Variants in AASDH observed in about 807,000 individuals in gnomAD.
AASDH encodes the protein beta-alanine-activating enzyme.
A neutral mutation model predicts 102.3 loss-of-function variants in AASDH; 81 were observed. That is an observed-to-expected ratio of 0.79 (90% CI 0.66 to 0.95). AASDH has a LOEUF of 0.95. Among genes scored for constraint, AASDH ranks in the 40% least tolerant of loss-of-function variants. AASDH has a pLI of 0.00. For synonymous variants in AASDH, 398 were observed against 454.0 expected, an observed-to-expected ratio of 0.88 and a Z score of 1.57; for missense variants, 1,203 against 1,266.2, an observed-to-expected ratio of 0.95 and a Z score of 0.76.
At position 56,356,395 on chromosome 4, in the gene AASDH, AC is replaced by A. The variant is rs1749645040; in HGVS notation, c.862-973del. ...ATTAACCAGTTCACCCAGGCCCTGG[AC>A]CGCCAAACAGCTACTCAGCTGCTTA... On this transcript the variant is annotated intron_variant, in intron 5 of 14. Transcript: ENST00000205214. The A allele has an allele frequency of 9.4e-6, 15 of 1,592,750 alleles. No homozygotes were observed. The South Asian group carries it at 1.7e-4, about 18-fold the overall frequency.
chr4:56,363,121 C>A (rs1160711261), intron 5 of AASDH, among the ~76,000 whole-genome samples: 1 of 152,238 alleles, frequency 6.6e-6, no homozygotes, highest in Admixed American at 6.5e-5. Flanking sequence ...GAGCCTGGCT[C>A]ATTGCTAGCA....
At position 56,351,340 on chromosome 4, in the gene AASDH, AC is replaced by A. The variant is rs1748974480; in HGVS notation, c.1692+1del. 6.6e-7 allele frequency: 1 copy of A among 1,525,218 alleles called. No homozygotes were observed. Among genetic ancestry groups the A allele is most frequent in the Non-Finnish European group, 9.0e-7 (1 of 1,106,616 alleles). The allele number at this position is 1,525,218 out of a possible 1,614,324, so 94.5% of individuals were successfully genotyped here. On this transcript the variant is annotated splice_donor_variant, in intron 10 of 14. Transcript: ENST00000205214. LOFTEE classifies it high-confidence loss of function. Reference sequence around the variant, plus strand: ...AATAATTTTATAACTTAAAAATTGTACCTTCCACAAATACTGTAATTTTTCC... The same window carrying A: ...AATAATTTTATAACTTAAAAATTGTACTTCCACAAATACTGTAATTTTTCC...
rs28653752 is a variant in AASDH, at chr4:56,374,565, T to C, written c.669-2922A>G. Among the ~76,000 whole-genome samples the C allele has an allele frequency of 6.9e-3, 1,046 of 152,224 alleles. 14 individuals carry two copies. The highest frequency in any genetic ancestry group is 0.024 in the African/African-American group (991 of 41,518). Reference sequence around the variant, plus strand: ...ACTGCACCTGCATACCCAAGTGTTATCACAAACTTTCTTATCTCCTGTTTA... The same window carrying C: ...ACTGCACCTGCATACCCAAGTGTTACCACAAACTTTCTTATCTCCTGTTTA... On this transcript the variant is annotated intron_variant, in intron 4 of 14. Transcript: ENST00000205214.
chr4:56,354,608 A>C, intron 7 of AASDH, 97 bp downstream of exon 7: 2 of 867,394 alleles, frequency 2.3e-6, no homozygotes, highest in Non-Finnish European at 3.6e-6. Flanking sequence ...ACTGAAAAGC[A>C]TGAGATAGAC....
chr4:56,348,996 C>T, intron 11 of AASDH: 1 of 485,226 alleles, frequency 2.1e-6, no homozygotes, highest in Non-Finnish European at 3.6e-6. Flanking sequence ...TTATTATTCC[C>T]ATTTTACCCA....
In AASDH at chr4:56,385,915, GTTTTC is replaced by G. The variant is rs1187953937; in HGVS notation, c.-43+1442_-43+1446del. Among the ~76,000 whole-genome samples the G allele has an allele frequency of 1.1e-3, 158 of 143,366 alleles. 1 individual carries two copies. The highest frequency in any genetic ancestry group is 3.9e-3 in the African/African-American group (152 of 39,348). 94.1% of individuals were successfully genotyped at this position (143,366 alleles called of 152,430 possible). On this transcript the variant is annotated intron_variant, in intron 1 of 14. Transcript: ENST00000205214. ...GAGCCACCGCGCCCGGCCGAGTCAA[GTTTTC>G]TTTTCTTTCTTTTTTTTTTTTTAAT... is the stretch of plus-strand genomic sequence containing the variant.
chr4:56,338,334 C>A lies in AASDH; in HGVS notation c.*68G>T. 1 of 1,503,516 alleles carries A rather than the reference C, an allele frequency of 6.7e-7. No individual in the cohort carries two copies. Among genetic ancestry groups the A allele is most frequent in the South Asian group, 1.3e-5 (1 of 78,996 alleles). The allele number at this position is 1,503,516 out of a possible 1,614,324, so 93.1% of individuals were successfully genotyped here. On this transcript the variant is annotated 3_prime_UTR_variant, in exon 15 of 15. Transcript: ENST00000205214. The stretch of plus-strand genomic sequence containing the variant: ...TCTTCTTTAATATAAAATAAGTCCA[C>A]ATGATGTATAATGGTAAAATATTTT...
chr4:56,367,906 G>T (rs1347942703), intron 5 of AASDH, among the ~76,000 whole-genome samples: 1 of 151,884 alleles, frequency 6.6e-6, no homozygotes, highest in Non-Finnish European at 1.5e-5. Flanking sequence ...CACAGCAAAA[G>T]AAACTACCAT....
rs773433791 is a variant in AASDH, at chr4:56,353,391, T to C, written c.1576+13A>G. 1.3e-6 allele frequency: 2 copies of C among 1,577,052 alleles called. No homozygotes were observed. Among genetic ancestry groups the C allele is most frequent in the East Asian group, 2.3e-5 (1 of 44,358 alleles). On this transcript the variant is annotated intron_variant, in intron 9 of 14. Coordinates refer to ENST00000205214, the MANE Select transcript of AASDH (RefSeq NM_181806.4). Reference sequence around the variant, plus strand: ...ATTTGGCACTGAAACATATCTGCTTTAAATTACTTTACCGTGGGATGTAAA... The same window carrying C: ...ATTTGGCACTGAAACATATCTGCTTCAAATTACTTTACCGTGGGATGTAAA...
chr4:56,344,940 C>CTT (rs11357105), intron 12 of AASDH, among the ~76,000 whole-genome samples, 187 bp downstream of exon 12: 17 of 124,140 alleles, frequency 1.4e-4, no homozygotes, highest in African/African-American at 2.7e-4. Flanking sequence ...AATTTTCTTT[C>CTT]TTTTTTTTTT....
At position 56,338,486 on chromosome 4, in the gene AASDH, A is replaced by C; in HGVS notation, c.3213T>G (p.Pro1071=). Residue 1071 remains proline (P), a synonymous_variant, in exon 15 of 15, where the codon CCT becomes CCG. Coordinates refer to ENST00000205214, the MANE Select transcript of AASDH (RefSeq NM_181806.4). The part of the protein sequence containing the change: ...YELPGEVFSS[P]VVLESMLIIG... ...TAATGAGCATTGATTCCAGGACCAC[A>C]GGAGAAGAGAAGACTTCTCCAGGAA... 1 of 1,613,972 alleles carries C rather than the reference A, an allele frequency of 6.2e-7. No individual in the cohort carries two copies. Among genetic ancestry groups the C allele is most frequent in the Non-Finnish European group, 8.5e-7 (1 of 1,179,930 alleles).
Position 56,354,700 on chromosome 4 carries a change from A to G in AASDH, c.1210+5T>C. On this transcript the variant is annotated splice_donor_5th_base_variant and intron_variant, in intron 7 of 14. Coordinates refer to ENST00000205214, the MANE Select transcript of AASDH (RefSeq NM_181806.4). ...AAAATTCCCAATCAACAAATATAAA[A>G]CAACCTAAAAATACTTGGCCACTGC... 1 of 1,588,712 alleles carries G rather than the reference A, an allele frequency of 6.3e-7. No homozygotes were observed. The highest frequency in any genetic ancestry group is 2.2e-5 in the East Asian group (1 of 44,486).
At position 56,338,501 on chromosome 4, in the gene AASDH, T is replaced by C. The variant is rs371231603; in HGVS notation, c.3198A>G (p.Glu1066=). Residue 1066 remains glutamate, a synonymous_variant, in exon 15 of 15, where the codon GAA becomes GAG. Transcript: ENST00000205214. ...CCAGGACCACAGGAGAAGAGAAGAC[T>C]TCTCCAGGAAGTTCATAAACACTTT... ...QLQSVYELPG[E]VFSSPVVLES... 5.0e-6 allele frequency: 8 copies of C among 1,613,854 alleles called. No individual in the cohort carries two copies. The highest frequency in any genetic ancestry group is 6.8e-6 in the Non-Finnish European group (8 of 1,180,020).
chr4:56,345,751 T>C (rs894261824), intron 11 of AASDH, among the ~76,000 whole-genome samples: 6 of 152,340 alleles, frequency 3.9e-5, no homozygotes, highest in African/African-American at 1.2e-4. Flanking sequence ...GCCCAGTGCA[T>C]AGAAGGTGTT....
chr4:56,351,272 G>A (rs930285445), intron 10 of AASDH, 70 bp downstream of exon 10: 2 of 947,144 alleles, frequency 2.1e-6, no homozygotes, highest in Non-Finnish European at 3.2e-6. Flanking sequence ...AACTTGTTAG[G>A]ATAATAGCAG....
intron 11 of AASDH, 131 bp downstream of exon 11, chr4:56,349,132 G>T: frequency 1.0e-6 from 1 of 952,460 alleles, no homozygotes; most frequent in African/African-American, 1.7e-5. Context: ...ATCAGCACAG[G>T]GTTAACTATA....
intron 14 of AASDH, among the ~76,000 whole-genome samples, chr4:56,339,502 G>C (rs1747376024): frequency 6.6e-6 from 1 of 152,070 alleles, no homozygotes; most frequent in Admixed American, 6.6e-5. Flanking sequence ...TATAATCCCA[G>C]CATTTTGGGA....
In AASDH at chr4:56,349,926, C is replaced by G; in HGVS notation, c.1825G>C (p.Gly609Arg). The change falls in exon 11 of 15, where the codon GGG (glycine) becomes CGG (arginine). Residue 609 changes from glycine to arginine, a missense_variant. Physicochemically the swap from Gly to Arg is moderately radical, Grantham distance 125. Transcript: ENST00000205214. ...IEKLVGTSVP[G>R]LLEIILSSSI... ...CTGCTGAGAATAATTTCCAGAAGCC[C>G]AGGTACTGATGTACCAACAAGTTTT... The G allele has an allele frequency of 6.2e-7, 1 of 1,613,980 alleles. No homozygotes were observed. The highest frequency in any genetic ancestry group is 1.1e-5 in the South Asian group (1 of 91,074).
chr4:56,377,422 T>G (rs1752488835), intron 4 of AASDH, among the ~76,000 whole-genome samples: 1 of 152,244 alleles, frequency 6.6e-6, no homozygotes, highest in Admixed American at 6.5e-5. Flanking sequence ...TGGTTCCCCA[T>G]CATCTACTGG....
Sources: allele counts gnomAD v4.1 joint callset (sites outside exome capture counted in the v4.1 genomes callset), GRCh38; gene constraint gnomAD v4.1.1; transcripts MANE v1.5; gene names NCBI Gene and HGNC (gene_info 2026-07-23, HGNC 2026-07-21).